Variants in RAPGEF2 observed in about 807,000 individuals in gnomAD.
RAPGEF2 encodes the protein PDZ domain containing guanine nucleotide exchange factor (GEF) 1.
A neutral mutation model predicts 186.7 loss-of-function variants in RAPGEF2; 54 were observed. That is an observed-to-expected ratio of 0.29 (90% CI 0.23 to 0.36). The LOEUF is 0.36. RAPGEF2 is among the 10% of genes least tolerant of loss of function. The pLI is 1.00. For missense variants in RAPGEF2, 1,532 were observed against 2,045.0 expected (o/e 0.75, Z 4.84); for synonymous variants, 712 against 705.9 (o/e 1.01, Z -0.14).
At chr4:159,323,835 CA>C (rs1461640804) in intron 11 of RAPGEF2, among the ~76,000 whole-genome samples, 1 of 151,476 alleles carries the variant, frequency 6.6e-6, no homozygotes, top group African/African-American at 2.4e-5. Flanking sequence ...TCCCCTGCCT[CA>C]GCCTCCCAAG....
intron 12 of RAPGEF2, 109 bp downstream of exon 12, chr4:159,330,119 C>A: frequency 8.5e-7 from 1 of 1,176,472 alleles, no homozygotes; most frequent in Non-Finnish European, 1.2e-6. Flanking sequence ...TAAAGGTTAT[C>A]AGTTGTGAAA....
intron 7 of RAPGEF2, among the ~76,000 whole-genome samples, chr4:159,283,693 T>C (rs1373109013): frequency 1.3e-5 from 2 of 152,194 alleles, no homozygotes; most frequent in African/African-American, 4.8e-5. Context: ...TTTTTTAATA[T>C]ATTGAAGGAT....
intron 1 of RAPGEF2, among the ~76,000 whole-genome samples, chr4:159,162,991 T>G (rs930874807): frequency 5.9e-5 from 9 of 152,290 alleles, no homozygotes; most frequent in African/African-American, 2.2e-4. Flanking sequence ...ACCTGGTACC[T>G]CCTCACTCCG....
chr4:159,274,223 C>T (rs1404449222), intron 7 of RAPGEF2, among the ~76,000 whole-genome samples: 1 of 152,128 alleles, frequency 6.6e-6, no homozygotes, highest in Non-Finnish European at 1.5e-5. Flanking sequence ...AGGTAAAATC[C>T]TTTCACAGTT....
At chr4:159,210,950 A>G (rs2111372334) in intron 4 of RAPGEF2, among the ~76,000 whole-genome samples, 1 of 152,334 alleles carries the variant, frequency 6.6e-6, no homozygotes, top group East Asian at 1.9e-4. Context: ...AAGAGAGGCA[A>G]AGAAAGTTCA....
chr4:159,254,534 T>C (rs982487891), intron 7 of RAPGEF2, among the ~76,000 whole-genome samples: 2 of 151,894 alleles, frequency 1.3e-5, no homozygotes, highest in African/African-American at 2.4e-5. Flanking sequence ...GAAGGAGATA[T>C]TCAGGAATTG....
intron 1 of RAPGEF2, among the ~76,000 whole-genome samples, chr4:159,150,628 G>A (rs762792676): frequency 2.6e-5 from 4 of 152,132 alleles, no homozygotes; most frequent in Non-Finnish European, 5.9e-5. Flanking sequence ...GAAGGCAGAG[G>A]GCCACTTGCT....
chr4:159,135,968 A>G (rs1228342916), intron 1 of RAPGEF2, among the ~76,000 whole-genome samples: 3 of 152,226 alleles, frequency 2.0e-5, no homozygotes, highest in Non-Finnish European at 2.9e-5. Context: ...GAGTTTCCAT[A>G]TGTATACCTG....
Position 159,103,869 on chromosome 4 carries a change from AGAG to A in RAPGEF2, c.-279_-277del, listed in dbSNP as rs139404823. ...GAGGAAGCCGGCGGAGCGGCGAGGAAGAGGAGGAGGAGGAGGAAGGGGAGTTCC... is the reference window on the plus strand; with the variant it reads ...GAGGAAGCCGGCGGAGCGGCGAGGAAGAGGAGGAGGAGGAAGGGGAGTTCC... On this transcript the variant is annotated 5_prime_UTR_variant, in exon 1 of 30. Transcript: ENST00000691494. 19 of 153,924 alleles carry A rather than the reference AGAG, an allele frequency of 1.2e-4. No individual in the cohort carries two copies. The highest frequency in any genetic ancestry group is 2.0e-4 in the South Asian group (1 of 4,894). 9.5% of individuals were successfully genotyped at this position (153,924 alleles called of 1,614,324 possible).
chr4:159,247,174 G>A, intron 7 of RAPGEF2, among the ~76,000 whole-genome samples: 1 of 152,228 alleles, frequency 6.6e-6, no homozygotes, highest in Admixed American at 6.5e-5. Context: ...TTGTATCATA[G>A]AAAAGCTCAA....
chr4:159,333,295 A>G lies in RAPGEF2; in HGVS notation c.2135+598A>G, dbSNP rs569853173. 3.9e-5 allele frequency among the ~76,000 whole-genome samples: 6 copies of G among 152,220 alleles called. No homozygotes were observed. The South Asian group carries it at 1.2e-3, about 32-fold the overall frequency. On this transcript the variant is annotated intron_variant, in intron 17 of 29. Coordinates refer to ENST00000691494, the MANE Select transcript of RAPGEF2 (RefSeq NM_001394067.2). ...ACCCAGCCGCAGGTTTGGACTTTTT[A>G]AAAGCGTGTGTTTGCCTCCTGTCTC...
chr4:159,247,451 G>C (rs1754773267), intron 7 of RAPGEF2, among the ~76,000 whole-genome samples: 1 of 152,198 alleles, frequency 6.6e-6, no homozygotes, highest in African/African-American at 2.4e-5. Context: ...TTTGTTCAAA[G>C]ACTTAGAGGT....
At chr4:159,215,877 A>G (rs1750949580) in intron 4 of RAPGEF2, among the ~76,000 whole-genome samples, 1 of 152,186 alleles carries the variant, frequency 6.6e-6, no homozygotes, top group African/African-American at 2.4e-5. Flanking sequence ...AGAGATTAGG[A>G]CAAAGACTAT....
intron 7 of RAPGEF2, among the ~76,000 whole-genome samples, chr4:159,303,640 T>A (rs955773689): frequency 8.0e-6 from 1 of 124,670 alleles, no homozygotes; most frequent in African/African-American, 5.1e-5. Flanking sequence ...AAATAAGCGG[T>A]TTTTTTTTTT....
intron 9 of RAPGEF2, among the ~76,000 whole-genome samples, chr4:159,320,974 T>C (rs73859127): frequency 8.9e-4 from 135 of 152,286 alleles, no homozygotes; most frequent in African/African-American, 2.9e-3. Flanking sequence ...CCACGGACTT[T>C]TATCATCTTT....
At chr4:159,243,875 C>T in intron 7 of RAPGEF2, 84 bp downstream of exon 7, 1 of 1,009,336 alleles carries the variant, frequency 9.9e-7, no homozygotes, top group South Asian at 1.3e-5. Context: ...TTATAATATT[C>T]ATATGTTTTG....
At chr4:159,321,229 C>CA (rs1765196409) in intron 9 of RAPGEF2, among the ~76,000 whole-genome samples, 2 of 144,132 alleles carry the variant, frequency 1.4e-5, no homozygotes, top group Admixed American at 7.1e-5. Flanking sequence ...TTTTAAGAGA[C>CA]AGAGTCTCAC....
chr4:159,261,735 G>T (rs1756902975), intron 7 of RAPGEF2, among the ~76,000 whole-genome samples: 2 of 152,280 alleles, frequency 1.3e-5, no homozygotes, highest in Admixed American at 6.5e-5. Flanking sequence ...TCATAGGTCT[G>T]ATCATGTAAC....
chr4:159,190,566 C>A (rs147429121), intron 2 of RAPGEF2, among the ~76,000 whole-genome samples: 12 of 152,210 alleles, frequency 7.9e-5, no homozygotes, highest in Non-Finnish European at 1.6e-4. Flanking sequence ...AAGGCCATAC[C>A]CGAGACTGGG....
Sources: gnomAD v4.1 joint callset for allele counts (sites outside exome capture counted in the v4.1 genomes callset) on GRCh38, gnomAD v4.1.1 for gene constraint, MANE v1.5 for transcripts, NCBI Gene and HGNC (gene_info 2026-07-23, HGNC 2026-07-21) for gene names.